The following RBPJ variants were observed in gnomAD, a reference collection of about 807,000 sequenced individuals.
The protein encoded by RBPJ is recombining binding protein suppressor of hairless.
RBPJ carries 9 observed loss-of-function variants against 67.8 expected under a neutral mutation model. That is an observed-to-expected ratio of 0.13 (90% CI 0.08 to 0.23). The LOEUF (loss-of-function observed/expected upper bound fraction) is 0.23. Ranked by LOEUF, RBPJ falls within the 10% of genes least tolerant of loss-of-function variation. The pLI is 1.00. For synonymous variants in RBPJ, 198 were observed against 203.3 expected (o/e 0.97, Z 0.22); for missense variants, 305 against 595.6 (o/e 0.51, Z 5.08).
Position 26,362,587 on chromosome 4 carries a change from T to G in RBPJ, c.21-23766T>G, listed in dbSNP as rs146691754. On this transcript the variant is annotated intron_variant, in intron 1 of 10. Transcript: ENST00000355476. Reference sequence around the variant, plus strand: ...CATCGAAGTGTTCCAAGCTGTGACTTACCTTAACATGTTCTTGAAGTACCA... The same window carrying G: ...CATCGAAGTGTTCCAAGCTGTGACTGACCTTAACATGTTCTTGAAGTACCA... 2.3e-3 allele frequency: 3,659 copies of G among 1,613,876 alleles called. 6 individuals are homozygous for G. Among genetic ancestry groups the G allele is most frequent in the Non-Finnish European group, 2.8e-3 (3,259 of 1,179,968 alleles).
chr4:26,243,183 C>T (rs1577508995), intron 1 of RBPJ, among the ~76,000 whole-genome samples: 2 of 152,020 alleles, frequency 1.3e-5, no homozygotes, highest in Non-Finnish European at 2.9e-5. Context: ...GCTGAGATCA[C>T]GCCACTGCAC....
intron 2 of RBPJ, 131 bp from the exon 3 acceptor site, chr4:26,406,044 G>GT: frequency 3.6e-6 from 2 of 561,286 alleles, no homozygotes; most frequent in South Asian, 6.0e-5. Flanking sequence ...TTGCTTTATT[G>GT]TTTTTGTTTT....
chr4:26,224,544 G>C lies in RBPJ; in HGVS notation c.-167+60930G>C, dbSNP rs1484691484. ...CAAAAGAGAGGAACTTCCCGCAACA[G>C]ACAGGGTTTCACCATGTTGGCCAGG... On this transcript the variant is annotated intron_variant, in intron 1 of 4. Coordinates refer to the RBPJ transcript ENST00000512351. 2.6e-5 allele frequency among the ~76,000 whole-genome samples: 4 copies of C among 152,134 alleles called. No homozygotes were observed. In the East Asian group the frequency reaches 7.7e-4, roughly 29 times the overall value.
At chr4:26,320,955 CG>C (rs1722960936), upstream of RBPJ, 1 of 1,437,034 alleles carries the variant, frequency 7.0e-7, no homozygotes. Flanking sequence ...AGGGAAGGGG[CG>C]GGGGAGAGGG....
chr4:26,165,621 C>T (rs1284388952), intron 1 of RBPJ, among the ~76,000 whole-genome samples: 1 of 152,110 alleles, frequency 6.6e-6, no homozygotes, highest in East Asian at 1.9e-4. Flanking sequence ...GTTCTAAGAC[C>T]ACCATGCTCA....
At chr4:26,316,435 A>G (rs1229497526), upstream of RBPJ, among the ~76,000 whole-genome samples, 1 of 143,842 alleles carries the variant, frequency 7.0e-6, no homozygotes, top group African/African-American at 2.6e-5. Context: ...ATTCATATAT[A>G]CATTCATATA....
chr4:26,270,437 G>GAAAGAAAGGAGA (rs757127437), intron 1 of RBPJ, among the ~76,000 whole-genome samples: 1 of 30,200 alleles, frequency 3.3e-5, no homozygotes, highest in Non-Finnish European at 9.8e-5. Flanking sequence ...AAGAAAGAAA[G>GAAAGAAAGGAGA]AAGAAAGAAA....
intron 1 of RBPJ, among the ~76,000 whole-genome samples, chr4:26,239,473 C>T (rs1409973558): frequency 2.0e-5 from 3 of 152,146 alleles, no homozygotes; most frequent in African/African-American, 4.8e-5. Context: ...CATTGTCAGG[C>T]GCACAAGAGT....
intron 1 of RBPJ, among the ~76,000 whole-genome samples, chr4:26,223,854 C>A (rs1279780583): frequency 1.3e-5 from 2 of 152,180 alleles, no homozygotes; most frequent in Non-Finnish European, 2.9e-5. Flanking sequence ...CAGAAAGGAT[C>A]ATCACATTAT....
chr4:26,244,439 A>G (rs1231607561), intron 1 of RBPJ, among the ~76,000 whole-genome samples: 6 of 136,116 alleles, frequency 4.4e-5, no homozygotes, highest in Non-Finnish European at 9.7e-5. Flanking sequence ...ATGTATACAT[A>G]TGTGTGTATA....
the RBPJ span, among the ~76,000 whole-genome samples, chr4:26,114,622 A>C: frequency 6.6e-6 from 1 of 151,902 alleles, no homozygotes; most frequent in African/African-American, 2.4e-5. Flanking sequence ...GAAAATACGT[A>C]CCTTTAGTTT....
chr4:26,256,271 G>C (rs1287080723), intron 1 of RBPJ, among the ~76,000 whole-genome samples: 1 of 150,090 alleles, frequency 6.7e-6, no homozygotes, highest in Non-Finnish European at 1.5e-5. Context: ...AATGGAATAG[G>C]AGAATCTCTG....
At chr4:26,332,772 A>G (rs1371005022) in intron 1 of RBPJ, among the ~76,000 whole-genome samples, 1 of 152,148 alleles carries the variant, frequency 6.6e-6, no homozygotes, top group Admixed American at 6.5e-5. Context: ...TCAGCCTCCC[A>G]GGTAGCTAGG....
intron 1 of RBPJ, among the ~76,000 whole-genome samples, chr4:26,203,149 T>G (rs1718048743): frequency 6.6e-6 from 1 of 152,212 alleles, no homozygotes; most frequent in Admixed American, 6.5e-5. Context: ...TCTTATCCCC[T>G]TAGTCTAGTC....
At chr4:26,149,885 C>T in the RBPJ span, among the ~76,000 whole-genome samples, 2 of 152,234 alleles carry the variant, frequency 1.3e-5, no homozygotes, top group African/African-American at 4.8e-5. Flanking sequence ...CCAGGTTTGC[C>T]AGCTTTACCA....
Position 26,424,607 on chromosome 4 carries a change from G to C in RBPJ, c.635-24G>C. On this transcript the variant is annotated intron_variant, in intron 6 of 10. Transcript: ENST00000355476. This position sits in a 1 kb window ranked among gnomAD's most constrained non-coding sequence, Gnocchi z 5.3. ...AATAAATTTAAAAAGATGACAATTT[G>C]ATTTATTTTTCCACCTACTGCAGTG... 6.4e-7 allele frequency: 1 copy of C among 1,571,200 alleles called. No individual in the cohort carries two copies. Among genetic ancestry groups the C allele is most frequent in the Non-Finnish European group, 8.7e-7 (1 of 1,148,124 alleles).
chr4:26,301,485 G>C (rs193248092), intron 1 of RBPJ, among the ~76,000 whole-genome samples: 5 of 151,658 alleles, frequency 3.3e-5, no homozygotes, highest in Non-Finnish European at 7.4e-5. Context: ...CCAGCTACTC[G>C]GGAGGCTGAG....
At chr4:26,187,972 A>G (rs1210896553) in intron 1 of RBPJ, among the ~76,000 whole-genome samples, 2 of 152,206 alleles carry the variant, frequency 1.3e-5, no homozygotes, top group African/African-American at 4.8e-5. Flanking sequence ...GGCTGCAGTG[A>G]GCCAAGATCA....
At chr4:26,263,068 A>G (rs1720592155) in intron 1 of RBPJ, among the ~76,000 whole-genome samples, 1 of 152,170 alleles carries the variant, frequency 6.6e-6, no homozygotes, top group Non-Finnish European at 1.5e-5. Context: ...CCTGCCCCAG[A>G]TTATGTCAAG....
Sources: gnomAD v4.1 joint callset for allele counts (sites outside exome capture counted in the v4.1 genomes callset) on GRCh38, gnomAD v4.1.1 for gene constraint, Gnocchi (gnomAD v3.1) non-coding constraint, MANE v1.5 for transcripts, NCBI Gene and HGNC (gene_info 2026-07-23, HGNC 2026-07-21) for gene names.